SAMD12: variants seen among roughly 807,000 people sequenced by gnomAD.
SAMD12 encodes sterile alpha motif domain-containing protein 12.
Under a neutral mutation model 15.0 loss-of-function variants are expected in SAMD12, and 9 were observed. That is an observed-to-expected ratio of 0.60 (90% CI 0.36 to 1.05). The LOEUF is 1.05. Ranked by LOEUF, SAMD12 falls within the 50% of genes least tolerant of loss-of-function variation. The pLI is 0.01. For synonymous variants in SAMD12, 86 were observed against 90.1 expected (o/e 0.96, Z 0.25); for missense variants, 230 against 234.2 (o/e 0.98, Z 0.12).
intron 3 of SAMD12, among the ~76,000 whole-genome samples, chr8:118,420,441 C>A (rs1358718638): frequency 6.6e-6 from 1 of 152,178 alleles, no homozygotes; most frequent in South Asian, 2.1e-4. Context: ...AAAACAGACA[C>A]ATATACCGCA....
chr8:118,133,389 G>T, the SAMD12 span, among the ~76,000 whole-genome samples: 1 of 151,758 alleles, frequency 6.6e-6, no homozygotes, highest in African/African-American at 2.4e-5. Context: ...GGATGTGCAG[G>T]TTTGTTACAT....
chr8:118,200,888 C>T (rs906071130), intron 4 of SAMD12, among the ~76,000 whole-genome samples: 18 of 152,162 alleles, frequency 1.2e-4, no homozygotes, highest in African/African-American at 3.6e-4. Context: ...GGCACCATCA[C>T]GGCTCATTGT....
intron 4 of SAMD12, among the ~76,000 whole-genome samples, chr8:118,223,962 AT>A (rs1218826746): frequency 2.6e-5 from 4 of 152,198 alleles, no homozygotes; most frequent in Non-Finnish European, 5.9e-5. Flanking sequence ...AAGGGTAACA[AT>A]TGCAATATAT....
chr8:118,474,537 T>A (rs1261502033), intron 2 of SAMD12, among the ~76,000 whole-genome samples: 1 of 150,222 alleles, frequency 6.7e-6, no homozygotes. Flanking sequence ...CCTGCCACCA[T>A]GCCCAGCTAT....
intron 2 of SAMD12, among the ~76,000 whole-genome samples, chr8:118,498,524 C>T (rs1274641115): frequency 1.3e-5 from 2 of 152,140 alleles, no homozygotes; most frequent in Non-Finnish European, 2.9e-5. Context: ...AATAATGTCA[C>T]GACTGCACCC....
Position 118,500,531 on chromosome 8 carries a change from C to T in SAMD12, c.193-60570G>A, listed in dbSNP as rs1329876950. ...ATCAAAATCAGTTGTTCCTGCCAGG[C>T]GCAGTGGCTCACGCCTGTAATCCCA... On this transcript the variant is annotated intron_variant, in intron 2 of 3. Transcript: ENST00000314727. Among the ~76,000 whole-genome samples the T allele has an allele frequency of 4.6e-5, 7 of 151,944 alleles. No homozygotes were observed. In the South Asian group the frequency reaches 8.3e-4, roughly 18 times the overall value.
At chr8:118,515,517 T>A (rs1040783922) in intron 2 of SAMD12, among the ~76,000 whole-genome samples, 2 of 152,128 alleles carry the variant, frequency 1.3e-5, no homozygotes, top group Non-Finnish European at 2.9e-5. Flanking sequence ...GAGAATGGAC[T>A]AATACAGTTG....
chr8:118,339,930 G>A (rs1186777607), intron 4 of SAMD12, among the ~76,000 whole-genome samples: 2 of 152,224 alleles, frequency 1.3e-5, no homozygotes, highest in Non-Finnish European at 2.9e-5. Context: ...CTACCCAGGC[G>A]GCATGACCGG....
intron 4 of SAMD12, among the ~76,000 whole-genome samples, chr8:118,198,855 G>A (rs1289666156): frequency 6.6e-6 from 1 of 151,926 alleles, no homozygotes; most frequent in African/African-American, 2.4e-5. Context: ...CCTAAATGTA[G>A]TAATTCCATT....
chr8:118,396,400 C>G (rs536059201), intron 3 of SAMD12, among the ~76,000 whole-genome samples: 5 of 152,150 alleles, frequency 3.3e-5, no homozygotes, highest in African/African-American at 1.2e-4. Context: ...TCCATTGTTA[C>G]ACCTACTCGA....
the SAMD12 span, among the ~76,000 whole-genome samples, chr8:118,138,658 T>C: frequency 6.6e-6 from 1 of 152,332 alleles, no homozygotes; most frequent in South Asian, 2.1e-4. Context: ...CTGAATGGAC[T>C]AAGATGGTAT....
At chr8:118,416,421 C>T (rs974526110) in intron 3 of SAMD12, among the ~76,000 whole-genome samples, 1 of 152,108 alleles carries the variant, frequency 6.6e-6, no homozygotes, top group Non-Finnish European at 1.5e-5. Flanking sequence ...CACACTTTTA[C>T]TTAGTATATC....
chr8:118,436,842 C>T (rs535089827), intron 3 of SAMD12, among the ~76,000 whole-genome samples: 4 of 152,302 alleles, frequency 2.6e-5, no homozygotes, highest in Admixed American at 6.5e-5. Flanking sequence ...AGCTCACATG[C>T]GCTGTATGCT....
intron 4 of SAMD12, among the ~76,000 whole-genome samples, chr8:118,326,457 C>G (rs534054975): frequency 1.4e-4 from 21 of 152,218 alleles, no homozygotes; most frequent in Admixed American, 1.2e-3. Context: ...GACTGAGTGA[C>G]TTACATTGCT....
chr8:118,594,176 G>A (rs1428458342), intron 1 of SAMD12, among the ~76,000 whole-genome samples: 2 of 151,770 alleles, frequency 1.3e-5, no homozygotes, highest in South Asian at 2.1e-4. Context: ...GCTCCCAAAT[G>A]TCTTCCTAAA....
intron 2 of SAMD12, among the ~76,000 whole-genome samples, chr8:118,578,010 C>T (rs755286681): frequency 5.9e-5 from 9 of 152,128 alleles, no homozygotes; most frequent in Non-Finnish European, 1.2e-4. Context: ...AAGTTTTCTC[C>T]GTAATTTTAA....
At chr8:118,159,701 A>G in the SAMD12 span, among the ~76,000 whole-genome samples, 5 of 137,184 alleles carry the variant, frequency 3.6e-5, no homozygotes, top group Non-Finnish European at 7.6e-5. Flanking sequence ...CTATATAACA[A>G]ATTTTTTCTT....
chr8:118,222,157 G>C (rs767652559), intron 4 of SAMD12, among the ~76,000 whole-genome samples: 2 of 152,160 alleles, frequency 1.3e-5, no homozygotes. Flanking sequence ...CAAGTTTCTA[G>C]GGTGGGTAAT....
chr8:118,278,809 A>G (rs1013218405), intron 4 of SAMD12, among the ~76,000 whole-genome samples: 10 of 152,220 alleles, frequency 6.6e-5, no homozygotes, highest in African/African-American at 2.4e-4. Context: ...AGAGACGAAT[A>G]TGGCAGTACA....
Sources: gnomAD v4.1 joint callset for allele counts (sites outside exome capture counted in the v4.1 genomes callset) on GRCh38, gnomAD v4.1.1 for gene constraint, MANE v1.5 for transcripts, NCBI Gene and HGNC (gene_info 2026-07-23, HGNC 2026-07-21) for gene names.